The following PTPRZ1 variants were observed in gnomAD, a reference collection of about 807,000 sequenced individuals.
The protein encoded by PTPRZ1 is protein tyrosine phosphatase receptor type Z1.
PTPRZ1 carries 82 observed loss-of-function variants against 214.1 expected under a neutral mutation model. That is an observed-to-expected ratio of 0.38 (90% CI 0.32 to 0.46). The LOEUF (loss-of-function observed/expected upper bound fraction) is 0.46, where lower values mean the gene tolerates loss of function less well. PTPRZ1 is among the 20% of genes least tolerant of loss of function. The probability of loss-of-function intolerance (pLI) is 1.00; values close to 1 mark genes in which losing one functional copy is unlikely to be tolerated. For synonymous variants in PTPRZ1, 945 were observed against 987.9 expected (o/e 0.96, Z 0.81); for missense variants, 2,603 against 2,748.7 (o/e 0.95, Z 1.19).
chr7:122,016,157 A>G (rs1294361277), intron 12 of PTPRZ1, among the ~76,000 whole-genome samples: 1 of 152,044 alleles, frequency 6.6e-6, no homozygotes, highest in East Asian at 1.9e-4. Context: ...TCCAGGTCAC[A>G]TGAGTAAATA....
At chr7:121,883,125 T>C (rs1018330846) in intron 1 of PTPRZ1, among the ~76,000 whole-genome samples, 2 of 152,208 alleles carry the variant, frequency 1.3e-5, no homozygotes, top group African/African-American at 2.4e-5. Flanking sequence ...ATTTATTGAA[T>C]GGTGAAACTC....
chr7:121,926,858 T>C (rs1470107602), intron 1 of PTPRZ1, among the ~76,000 whole-genome samples: 1 of 152,224 alleles, frequency 6.6e-6, no homozygotes, highest in African/African-American at 2.4e-5. Flanking sequence ...ATGTCTTATA[T>C]AGCCAATAGA....
chr7:121,876,115 T>A (rs544051059), intron 1 of PTPRZ1, among the ~76,000 whole-genome samples: 1 of 152,232 alleles, frequency 6.6e-6, no homozygotes, highest in East Asian at 1.9e-4. Context: ...ATCTAAAATG[T>A]CCTGATGTTT....
chr7:121,892,074 T>C (rs980497746), intron 1 of PTPRZ1, among the ~76,000 whole-genome samples: 27 of 152,214 alleles, frequency 1.8e-4, no homozygotes, highest in Admixed American at 3.9e-4. Flanking sequence ...AAAAATTATT[T>C]GTATTTTTTA....
At chr7:121,986,291 C>T (rs1345944653) in intron 8 of PTPRZ1, among the ~76,000 whole-genome samples, 1 of 152,174 alleles carries the variant, frequency 6.6e-6, no homozygotes, top group Non-Finnish European at 1.5e-5. Context: ...CAAGTTTACA[C>T]AACTAGAAAG....
At chr7:121,929,503 GA>G (rs10717646) in intron 2 of PTPRZ1, among the ~76,000 whole-genome samples, 74,597 of 141,806 alleles carry the variant, frequency 0.53, 19,828 homozygotes, top group African/African-American at 0.68. Context: ...TACCGAGTAG[GA>G]AAAAAAAAAA....
intron 1 of PTPRZ1, among the ~76,000 whole-genome samples, chr7:121,882,021 A>T (rs1329988561): frequency 6.6e-6 from 1 of 152,202 alleles, no homozygotes; most frequent in African/African-American, 2.4e-5. Context: ...TGTTTTATGA[A>T]ATTATTAATC....
At chr7:121,994,836 GTTTT>G (rs1798086159) in intron 8 of PTPRZ1, among the ~76,000 whole-genome samples, 1 of 152,066 alleles carries the variant, frequency 6.6e-6, no homozygotes, top group Non-Finnish European at 1.5e-5. Flanking sequence ...CTGAATTCAT[GTTTT>G]TTGACAATGA....
intron 13 of PTPRZ1, among the ~76,000 whole-genome samples, chr7:122,026,741 A>T (rs1799216672): frequency 6.6e-6 from 1 of 152,198 alleles, no homozygotes; most frequent in Admixed American, 6.5e-5. Context: ...TGTGATTATC[A>T]AAGGCTTATA....
intron 7 of PTPRZ1, 62 bp from the exon 8 acceptor site, chr7:121,983,905 T>C: frequency 6.3e-7 from 1 of 1,589,972 alleles, no homozygotes; most frequent in Admixed American, 1.7e-5. Context: ...AAAATATCCA[T>C]TTTAAAGCAT....
At chr7:121,989,361 G>A (rs979791698) in intron 8 of PTPRZ1, among the ~76,000 whole-genome samples, 3 of 145,582 alleles carry the variant, frequency 2.1e-5, no homozygotes, top group African/African-American at 5.0e-5. Flanking sequence ...TAGAAATACT[G>A]TGTTCCTATG....
chr7:121,908,322 G>A, intron 1 of PTPRZ1: 1 of 281,618 alleles, frequency 3.6e-6, no homozygotes. Context: ...TATATGCATT[G>A]TAAGTAGCAG....
chr7:121,898,772 T>C (rs1377576439), intron 1 of PTPRZ1, among the ~76,000 whole-genome samples: 1 of 152,206 alleles, frequency 6.6e-6, no homozygotes, highest in Non-Finnish European at 1.5e-5. Flanking sequence ...AAGTATTTCA[T>C]ATACTTACTT....
rs201994737 is a variant in PTPRZ1, at chr7:122,012,987, C to T, written c.3941C>T (p.Thr1314Ile). ...HPPKGRHVFA[T>I]PVLSIDEPLN... is the part of the protein sequence containing the mutation. ...CCAAAAGGAAGGCATGTATTTGCTA[C>T]ACCTGTTTTATCAATTGATGAACCA... The change falls in exon 12 of 30, where the codon ACA becomes ATA. Residue 1314 changes from threonine to isoleucine, a missense_variant. Physicochemically the swap from Thr to Ile is moderately conservative, Grantham distance 89. Transcript: ENST00000393386. 2 of 1,614,128 alleles carry T rather than the reference C, an allele frequency of 1.2e-6. No homozygotes were observed. The highest frequency in any genetic ancestry group is 1.3e-5 in the African/African-American group (1 of 75,052).
At chr7:121,948,894 A>G (rs1213663616) in intron 2 of PTPRZ1, among the ~76,000 whole-genome samples, 1 of 152,134 alleles carries the variant, frequency 6.6e-6, no homozygotes, top group African/African-American at 2.4e-5. Context: ...CATTCTGAAC[A>G]TTATATAGTG....
chr7:122,056,710 A>T (rs1792358518), intron 27 of PTPRZ1, among the ~76,000 whole-genome samples: 1 of 151,404 alleles, frequency 6.6e-6, no homozygotes, highest in Non-Finnish European at 1.5e-5. Context: ...CCCACCATTG[A>T]CTTTAAGAAA....
intron 8 of PTPRZ1, among the ~76,000 whole-genome samples, chr7:121,984,682 G>A (rs921713850): frequency 6.6e-6 from 1 of 152,020 alleles, no homozygotes; most frequent in Non-Finnish European, 1.5e-5. Context: ...TGAATAAGAA[G>A]TGAATCTTCT....
chr7:122,010,398 C>A lies in PTPRZ1; in HGVS notation c.1352C>A (p.Thr451Lys). Residue 451 changes from threonine to lysine, a missense_variant, in exon 12 of 30, where the codon ACA becomes AAA. By Grantham distance (78) the Thr-to-Lys change is moderately conservative. Around this residue, in one of 6 missense-constraint regions of PTPRZ1, gnomAD observed 1,913 missense variants for 1,914.3 expected, o/e 1.00. Transcript: ENST00000393386. ...GTGAATCCTGGTAGAGACAGTGCTA[C>A]AAACCAAATCAGGAAAAAGGAACCC... ...AIVNPGRDSA[T>K]NQIRKKEPQI... 1 of 1,614,022 alleles carries A rather than the reference C, an allele frequency of 6.2e-7. No individual in the cohort carries two copies. The highest frequency in any genetic ancestry group is 8.5e-7 in the Non-Finnish European group (1 of 1,179,948).
intron 11 of PTPRZ1, among the ~76,000 whole-genome samples, chr7:122,006,395 C>T (rs2116640918): frequency 6.6e-6 from 1 of 152,152 alleles, no homozygotes; most frequent in South Asian, 2.1e-4. Flanking sequence ...CTGTCGCCCC[C>T]TCGCCACTAC....
Sources: allele counts gnomAD v4.1 joint callset (sites outside exome capture counted in the v4.1 genomes callset), GRCh38; gene constraint gnomAD v4.1.1; regional missense constraint gnomAD v4.1.1; transcripts MANE v1.5; gene names NCBI Gene and HGNC (gene_info 2026-07-23, HGNC 2026-07-21).